The following ASZ1 variants were observed in gnomAD, a reference collection of about 807,000 sequenced individuals.
The protein encoded by ASZ1 is ankyrin repeat, SAM and basic leucine zipper domain-containing protein 1.
In ASZ1, 67 loss-of-function variants were observed where a neutral mutation model predicts 61.8. That is an observed-to-expected ratio of 1.08 (90% CI 0.89 to 1.33). ASZ1 has a LOEUF of 1.33. Ranked by LOEUF, ASZ1 falls within the 40% of genes most tolerant of loss-of-function variation. The pLI is 0.00. For synonymous variants in ASZ1, 193 were observed against 192.7 expected, an observed-to-expected ratio of 1.00 and a Z score of -0.01; for missense variants, 577 against 554.5, an observed-to-expected ratio of 1.04 and a Z score of -0.41.
chr7:117,424,883 G>A (rs1404817418), intron 2 of ASZ1, among the ~76,000 whole-genome samples: 1 of 152,132 alleles, frequency 6.6e-6, no homozygotes, highest in Admixed American at 6.5e-5. Context: ...AACAGGTAAT[G>A]TTTACATAAT....
chr7:117,407,239 C>A (rs1211670739), intron 4 of ASZ1, among the ~76,000 whole-genome samples: 1 of 151,992 alleles, frequency 6.6e-6, no homozygotes, highest in Non-Finnish European at 1.5e-5. Context: ...AGCTGATATA[C>A]CTATACCAAT....
chr7:117,403,849 C>T (rs938663630), intron 4 of ASZ1, among the ~76,000 whole-genome samples: 3 of 152,134 alleles, frequency 2.0e-5, no homozygotes, highest in Admixed American at 6.5e-5. Context: ...GCGAGCATTA[C>T]CATCTGAGCT....
rs538151688 is a variant in ASZ1, at chr7:117,382,286, A to G, written c.813-142T>C. ...GCAATCTGCACACCAGACCTATGCT[A>G]TATCAAAGGAATAAGTAAGGTTTTG... On this transcript the variant is annotated intron_variant, in intron 7 of 12. Transcript: ENST00000284629. 12 of 594,738 alleles carry G rather than the reference A, an allele frequency of 2.0e-5. No homozygotes were observed. The East Asian group carries it at 2.9e-4, about 14-fold the overall frequency. The allele number at this position is 594,738 out of a possible 1,614,324, so 36.8% of individuals were successfully genotyped here.
chr7:117,426,939 G>A lies in ASZ1; in HGVS notation c.106-4C>T. 6.3e-7 allele frequency: 1 copy of A among 1,583,796 alleles called. No homozygotes were observed. The highest frequency in any genetic ancestry group is 1.2e-5 in the South Asian group (1 of 83,510). Reference sequence around the variant, plus strand: ...TGGGTAATAGCCTTTTCAATTTCTAGAAAAGTAAACATTTTAAAAAATTCT... The same window carrying A: ...TGGGTAATAGCCTTTTCAATTTCTAAAAAAGTAAACATTTTAAAAAATTCT... On this transcript the variant is annotated splice_polypyrimidine_tract_variant and splice_region_variant and intron_variant, in intron 1 of 12. Transcript: ENST00000284629.
chr7:117,379,694 AT>A (rs1229696115), intron 10 of ASZ1, among the ~76,000 whole-genome samples: 1 of 151,846 alleles, frequency 6.6e-6, no homozygotes, highest in Non-Finnish European at 1.5e-5. Context: ...CAATGAAAAA[AT>A]AAAACAAAAA....
chr7:117,405,614 C>G (rs979331042), intron 4 of ASZ1, among the ~76,000 whole-genome samples: 10 of 152,336 alleles, frequency 6.6e-5, no homozygotes, highest in African/African-American at 2.4e-4. Context: ...GCCATCCCAG[C>G]GTTTCCCTTG....
At chr7:117,379,168 T>TATATATATATATATATATAC (rs1161457624) in intron 10 of ASZ1, among the ~76,000 whole-genome samples, 1 of 69,726 alleles carries the variant, frequency 1.4e-5, no homozygotes, top group African/African-American at 5.5e-5. Flanking sequence ...TATATATATA[T>TATATATATATATATATATAC]ACACACACAC....
At chr7:117,412,815 C>A (rs1436903423) in intron 4 of ASZ1, among the ~76,000 whole-genome samples, 6 of 150,708 alleles carry the variant, frequency 4.0e-5, no homozygotes, top group Admixed American at 4.0e-4. Context: ...TTTCAGCAAA[C>A]TAGGGGGAAA....
intron 4 of ASZ1, among the ~76,000 whole-genome samples, chr7:117,395,311 G>A (rs1796555914): frequency 6.6e-6 from 1 of 152,076 alleles, no homozygotes; most frequent in African/African-American, 2.4e-5. Flanking sequence ...CAGTTTAAGA[G>A]CTTGAATTCA....
chr7:117,371,590 G>A (rs1796051439), intron 10 of ASZ1, among the ~76,000 whole-genome samples: 1 of 151,984 alleles, frequency 6.6e-6, no homozygotes, highest in Non-Finnish European at 1.5e-5. Context: ...AGAACTTAGG[G>A]TATATGACAC....
intron 9 of ASZ1, 137 bp from the exon 10 acceptor site, chr7:117,380,184 A>G (rs1009358723): frequency 1.7e-6 from 1 of 599,482 alleles, no homozygotes; most frequent in Non-Finnish European, 2.9e-6. Flanking sequence ...ACACACTTCT[A>G]AAAAATATGT....
At chr7:117,409,313 A>G (rs1796850187) in intron 4 of ASZ1, among the ~76,000 whole-genome samples, 1 of 151,984 alleles carries the variant, frequency 6.6e-6, no homozygotes, top group Non-Finnish European at 1.5e-5. Context: ...AACAGGTAAA[A>G]CAAGGAAAGA....
At chr7:117,420,129 G>A (rs371740012) in intron 4 of ASZ1, 34 bp downstream of exon 4, 21 of 1,483,452 alleles carry the variant, frequency 1.4e-5, no homozygotes, top group Non-Finnish European at 1.9e-5. Flanking sequence ...ATTCTAATTT[G>A]ACTTGAATTT....
intron 4 of ASZ1, among the ~76,000 whole-genome samples, chr7:117,415,245 C>T (rs892425802): frequency 1.3e-5 from 2 of 152,066 alleles, no homozygotes; most frequent in African/African-American, 2.4e-5. Context: ...ACCTGAGGAC[C>T]AAAAATATTA....
intron 6 of ASZ1, among the ~76,000 whole-genome samples, chr7:117,383,464 T>C (rs1318505790): frequency 6.6e-6 from 1 of 152,004 alleles, no homozygotes; most frequent in African/African-American, 2.4e-5. Context: ...ATTAATATTT[T>C]TGGTAAGATA....
intron 4 of ASZ1, among the ~76,000 whole-genome samples, chr7:117,406,829 T>C (rs1796792836): frequency 6.6e-6 from 1 of 151,642 alleles, no homozygotes; most frequent in Non-Finnish European, 1.5e-5. Context: ...TGGGCAAAAA[T>C]GAGGTTAAAA....
At chr7:117,402,442 T>C (rs1456731141) in intron 4 of ASZ1, among the ~76,000 whole-genome samples, 1 of 152,178 alleles carries the variant, frequency 6.6e-6, no homozygotes, top group Non-Finnish European at 1.5e-5. Flanking sequence ...TGTTGCTCCA[T>C]GATGATATAT....
intron 4 of ASZ1, among the ~76,000 whole-genome samples, chr7:117,416,703 G>T (rs1427675595): frequency 6.6e-6 from 1 of 152,094 alleles, no homozygotes; most frequent in African/African-American, 2.4e-5. Flanking sequence ...ACAAATGTAT[G>T]CATTTATCAA....
intron 6 of ASZ1, among the ~76,000 whole-genome samples, chr7:117,384,360 ATGTT>A (rs986462347): frequency 1.6e-4 from 25 of 152,234 alleles, no homozygotes; most frequent in Non-Finnish European, 3.1e-4. Context: ...TTACAAAAGA[ATGTT>A]TGAGTTACAT....
Sources: gnomAD v4.1 joint callset for allele counts (sites outside exome capture counted in the v4.1 genomes callset) on GRCh38, gnomAD v4.1.1 for gene constraint, MANE v1.5 for transcripts, NCBI Gene and HGNC (gene_info 2026-07-23, HGNC 2026-07-21) for gene names.